The following DPP6 variants were observed in gnomAD, a reference collection of about 807,000 sequenced individuals.
DPP6 encodes the protein A-type potassium channel modulatory protein DPP6.
In DPP6, 69 loss-of-function variants were observed where a neutral mutation model predicts 122.6. The observed-to-expected ratio is 0.56, with a 90% CI of 0.46 to 0.69. The LOEUF (loss-of-function observed/expected upper bound fraction) is 0.69, where lower values mean the gene tolerates loss of function less well. Ranked by LOEUF, DPP6 falls within the 30% of genes least tolerant of loss-of-function variation. The pLI, the probability that DPP6 is intolerant of heterozygous loss-of-function variation, is 0.00. For synonymous variants in DPP6, 418 were observed against 433.1 expected (o/e 0.97, Z 0.43); for missense variants, 928 against 1,116.9 (o/e 0.83, Z 2.41).
intron 7 of DPP6, among the ~76,000 whole-genome samples, chr7:154,714,724 A>T (rs1222004661): frequency 6.6e-6 from 1 of 152,198 alleles, no homozygotes; most frequent in African/African-American, 2.4e-5. Flanking sequence ...CAGCCAAACC[A>T]TATCATCCAG....
chr7:154,546,756 C>T (rs1174148117), intron 4 of DPP6, among the ~76,000 whole-genome samples: 1 of 152,156 alleles, frequency 6.6e-6, no homozygotes, highest in Non-Finnish European at 1.5e-5. Context: ...TATTATTAGA[C>T]CCATTCCAAA....
At position 154,601,850 on chromosome 7, in the gene DPP6, G is replaced by A. The variant is rs940666210; in HGVS notation, c.627+34934G>A. On this transcript the variant is annotated intron_variant, in intron 5 of 25. Transcript: ENST00000377770. ...TTCCAAAGTAGTTGCAATACAGACC[G>A]TATGGCTTGAAAAACCAAAAGCATT... Among the ~76,000 whole-genome samples, 15 of 120,542 alleles carry A rather than the reference G, an allele frequency of 1.2e-4. 4 individuals carry two copies. Among genetic ancestry groups the A allele is most frequent in the South Asian group, 6.8e-4 (2 of 2,920 alleles). 79.1% of individuals were successfully genotyped at this position (120,542 alleles called of 152,430 possible).
chr7:154,173,185 A>G (rs1178344931), intron 1 of DPP6, among the ~76,000 whole-genome samples: 1 of 152,196 alleles, frequency 6.6e-6, no homozygotes, highest in Non-Finnish European at 1.5e-5. Flanking sequence ...CCCAATAACA[A>G]TAACATTACC....
intron 17 of DPP6, among the ~76,000 whole-genome samples, chr7:154,856,963 T>A (rs951014497): frequency 6.6e-6 from 1 of 151,780 alleles, no homozygotes; most frequent in Non-Finnish European, 1.5e-5. Context: ...AGCAAAGTGC[T>A]GACTAATTGG....
the DPP6 span, among the ~76,000 whole-genome samples, chr7:153,814,328 C>T: frequency 6.6e-6 from 1 of 152,196 alleles, no homozygotes; most frequent in African/African-American, 2.4e-5. Flanking sequence ...CTACAAACAC[C>T]TCTATGCAAA....
intron 8 of DPP6, among the ~76,000 whole-genome samples, chr7:154,757,436 C>T (rs1375369378): frequency 6.6e-6 from 1 of 152,232 alleles, no homozygotes; most frequent in East Asian, 1.9e-4. Flanking sequence ...GCCCTCCTGC[C>T]TCACTTGGAG....
chr7:154,657,830 C>G lies in DPP6; in HGVS notation c.681-11530C>G, dbSNP rs936149706. Among the ~76,000 whole-genome samples, 3 of 152,230 alleles carry G rather than the reference C, an allele frequency of 2.0e-5. No individual in the cohort carries two copies. In the South Asian group the frequency reaches 6.2e-4, roughly 32 times the overall value. The stretch of plus-strand genomic sequence containing the variant: ...AACAGCCTTAGGGAAAGGAAAGAGA[C>G]TGGTGGAGCAAAATCCGAGAGGCTG... On this transcript the variant is annotated intron_variant, in intron 6 of 25. Transcript: ENST00000377770.
intron 1 of DPP6, among the ~76,000 whole-genome samples, chr7:154,178,168 A>C (rs1275841585): frequency 6.6e-6 from 1 of 152,184 alleles, no homozygotes; most frequent in Non-Finnish European, 1.5e-5. Context: ...ATTTCTGTTC[A>C]ATGAGCTTTG....
intron 12 of DPP6, chr7:154,796,125 C>T (rs564701443): frequency 1.0e-4 from 55 of 536,546 alleles, no homozygotes; most frequent in African/African-American, 9.5e-4. Context: ...CTCTTCAGAG[C>T]GTGGAATGTT....
chr7:154,361,778 T>C (rs1811747582), intron 1 of DPP6, among the ~76,000 whole-genome samples: 1 of 152,244 alleles, frequency 6.6e-6, no homozygotes, highest in Non-Finnish European at 1.5e-5. Context: ...TATAAACTTA[T>C]TTAATCCACA....
chr7:154,811,398 A>G (rs1799052076), intron 16 of DPP6, among the ~76,000 whole-genome samples: 2 of 152,212 alleles, frequency 1.3e-5, no homozygotes, highest in Admixed American at 6.5e-5. Flanking sequence ...GAGAAGATCA[A>G]TTGCTATGAA....
intron 6 of DPP6, among the ~76,000 whole-genome samples, chr7:154,668,954 G>C (rs533003211): frequency 6.6e-6 from 1 of 152,134 alleles, no homozygotes; most frequent in African/African-American, 2.4e-5. Context: ...AATGACCTGC[G>C]TTATACCTAG....
rs1271579044 is a variant in DPP6, at chr7:154,875,515, A to G, written c.1884-391A>G. On this transcript the variant is annotated intron_variant, in intron 19 of 25. Transcript: ENST00000377770. The surrounding 1 kb of genome is among the most constrained non-coding windows in gnomAD (Gnocchi z 4.5). ...GCCTTGTCACTTGTGATGGGTACTG[A>G]GAGGTACAGCCTGGGACATCTAGAA... Among the ~76,000 whole-genome samples the G allele has an allele frequency of 2.0e-5, 3 of 152,166 alleles. No individual in the cohort carries two copies. The highest frequency in any genetic ancestry group is 4.4e-5 in the Non-Finnish European group (3 of 68,026).
chr7:154,616,088 T>C (rs1420112970), intron 5 of DPP6, among the ~76,000 whole-genome samples: 1 of 152,170 alleles, frequency 6.6e-6, no homozygotes, highest in Non-Finnish European at 1.5e-5. Flanking sequence ...CAGCTCAGCT[T>C]CCTGGGATGA....
In DPP6 at chr7:154,283,082, G is replaced by A. The variant is rs376171718; in HGVS notation, c.244-163132G>A. Reference sequence around the variant, plus strand: ...ACTGTGAAGCTCAGAGTGATATTGAGTGAGCCCTTTCTGAATCGGGACCAG... The same window carrying A: ...ACTGTGAAGCTCAGAGTGATATTGAATGAGCCCTTTCTGAATCGGGACCAG... On this transcript the variant is annotated intron_variant, in intron 1 of 25. Transcript: ENST00000377770. Among the ~76,000 whole-genome samples, 3 of 152,274 alleles carry A rather than the reference G, an allele frequency of 2.0e-5. No individual in the cohort carries two copies. In the East Asian group the frequency reaches 5.8e-4, roughly 29 times the overall value.
At chr7:154,723,355 A>G (rs1389037446) in intron 7 of DPP6, among the ~76,000 whole-genome samples, 2 of 152,152 alleles carry the variant, frequency 1.3e-5, no homozygotes, top group Admixed American at 1.3e-4. Context: ...AAACCAAAGC[A>G]AAAAAAGAGG....
At chr7:154,698,742 A>G (rs1840353112) in intron 7 of DPP6, among the ~76,000 whole-genome samples, 3 of 152,222 alleles carry the variant, frequency 2.0e-5, no homozygotes, top group Admixed American at 2.0e-4. Context: ...CTGAAGGGGA[A>G]AGACAGCGGA....
intron 8 of DPP6, among the ~76,000 whole-genome samples, chr7:154,759,137 C>G (rs2131502812): frequency 6.6e-6 from 1 of 152,316 alleles, no homozygotes; most frequent in Middle Eastern, 3.4e-3. Context: ...CTCCAGCCCC[C>G]TGGTGCGAAT....
chr7:154,746,365 C>T (rs1246784846), intron 8 of DPP6, among the ~76,000 whole-genome samples: 1 of 152,178 alleles, frequency 6.6e-6, no homozygotes, highest in African/African-American at 2.4e-5. Context: ...GGTTAGGACA[C>T]AGCACTGATA....
Sources: gnomAD v4.1 joint callset for allele counts (sites outside exome capture counted in the v4.1 genomes callset) on GRCh38, gnomAD v4.1.1 for gene constraint, Gnocchi (gnomAD v3.1) non-coding constraint, MANE v1.5 for transcripts, NCBI Gene and HGNC (gene_info 2026-07-23, HGNC 2026-07-21) for gene names.